The following ASPH variants were observed in gnomAD, a reference collection of about 807,000 sequenced individuals.
ASPH encodes aspartyl/asparaginyl beta-hydroxylase.
In ASPH, 100 loss-of-function variants were observed where a neutral mutation model predicts 118.4. The observed-to-expected ratio is 0.84, with a 90% CI of 0.72 to 1.00. The LOEUF (loss-of-function observed/expected upper bound fraction) is 1.00, where lower values mean the gene tolerates loss of function less well. Ranked by LOEUF, ASPH falls within the 50% of genes least tolerant of loss-of-function variation. The pLI, the probability that ASPH is intolerant of heterozygous loss-of-function variation, is 0.00. For synonymous variants in ASPH, 315 were observed against 325.6 expected (o/e 0.97, Z 0.35); for missense variants, 920 against 919.5 (o/e 1.00, Z -0.01).
At chr8:61,512,445 C>A (rs943622004) in intron 24 of ASPH, among the ~76,000 whole-genome samples, 2 of 152,182 alleles carry the variant, frequency 1.3e-5, no homozygotes, top group African/African-American at 4.8e-5. Flanking sequence ...CCAAAGAACA[C>A]CAAGGGCTGC....
intron 3 of ASPH, among the ~76,000 whole-genome samples, chr8:61,672,585 A>AC (rs141009544): frequency 0.12 from 18,310 of 152,016 alleles, 1,389 homozygotes; most frequent in South Asian, 0.27. Context: ...CAGGACCCAC[A>AC]CCAGCATATG....
chr8:61,663,311 C>T, intron 3 of ASPH: 2 of 985,312 alleles, frequency 2.0e-6, no homozygotes, highest in Non-Finnish European at 2.4e-6. Context: ...AATCACCATC[C>T]TCAACTACAA....
At chr8:61,528,193 G>C (rs773714832) in intron 21 of ASPH, among the ~76,000 whole-genome samples, 1 of 152,092 alleles carries the variant, frequency 6.6e-6, no homozygotes, top group African/African-American at 2.4e-5. Context: ...TGAAGAACAG[G>C]GCAAAGATCG....
chr8:61,518,675 T>C (rs1271597574), intron 22 of ASPH, among the ~76,000 whole-genome samples: 1 of 152,200 alleles, frequency 6.6e-6, no homozygotes, highest in Non-Finnish European at 1.5e-5. Context: ...CTGTACGGTA[T>C]TTTATCGATA....
At chr8:61,713,787 A>C (rs912079202) in intron 1 of ASPH, among the ~76,000 whole-genome samples, 1 of 152,138 alleles carries the variant, frequency 6.6e-6, no homozygotes, top group African/African-American at 2.4e-5. Context: ...AATCACTCCC[A>C]ACTTCTTCCC....
At chr8:61,671,872 T>C (rs762851482) in intron 3 of ASPH, among the ~76,000 whole-genome samples, 16 of 152,244 alleles carry the variant, frequency 1.1e-4, no homozygotes, top group African/African-American at 2.2e-4. Flanking sequence ...CCACATGCAA[T>C]AGACATGATT....
intron 1 of ASPH, among the ~76,000 whole-genome samples, chr8:61,707,050 A>T (rs988637594): frequency 6.6e-6 from 1 of 152,242 alleles, no homozygotes; most frequent in African/African-American, 2.4e-5. Context: ...AATAATTCAT[A>T]ACATCTGTGT....
intron 18 of ASPH, among the ~76,000 whole-genome samples, chr8:61,556,700 G>C (rs1002694204): frequency 4.6e-5 from 7 of 152,190 alleles, no homozygotes; most frequent in African/African-American, 1.7e-4. Context: ...TTAATAGTGA[G>C]AAACCAGAAC....
rs769554143 is a variant in ASPH at position 61,562,898 on chromosome 8, T to TA, written c.1301-19dup. ...CATATGACCTGAGTAGGTGGGAATT[T>TA]AAAAAAAATAGAAATAAAAACAGAT... On this transcript the variant is annotated intron_variant, in intron 17 of 24. Coordinates refer to ENST00000379454, the MANE Select transcript of ASPH (RefSeq NM_004318.4). The TA allele has an allele frequency of 5.6e-5, 87 of 1,553,654 alleles. No homozygotes were observed. The highest frequency in any genetic ancestry group is 4.8e-4 in the South Asian group (39 of 81,000).
chr8:61,565,421 C>T (rs965941382), intron 17 of ASPH, among the ~76,000 whole-genome samples: 3 of 152,000 alleles, frequency 2.0e-5, no homozygotes, highest in Non-Finnish European at 2.9e-5. Flanking sequence ...TTATTCCAGA[C>T]CTATTAATCT....
chr8:61,542,707 G>A (rs1051605546), intron 21 of ASPH, among the ~76,000 whole-genome samples: 12 of 151,676 alleles, frequency 7.9e-5, no homozygotes, highest in Admixed American at 2.0e-4. Context: ...TTTTCTTCAT[G>A]TGGATTTGTA....
At chr8:61,624,651 A>T (rs1852091993) in intron 13 of ASPH, 1 of 985,304 alleles carries the variant, frequency 1.0e-6, no homozygotes, top group Admixed American at 6.1e-5. Flanking sequence ...AAGGCTCATT[A>T]ATTCAGATAT....
intron 19 of ASPH, among the ~76,000 whole-genome samples, chr8:61,554,557 TA>T (rs1291364922): frequency 6.6e-6 from 1 of 152,170 alleles, no homozygotes; most frequent in East Asian, 1.9e-4. Flanking sequence ...TAAATTAAAA[TA>T]AAATGAAAAA....
At chr8:61,658,667 T>C (rs1471862136) in intron 3 of ASPH, 1 of 152,146 alleles carries the variant, frequency 6.6e-6, no homozygotes, top group Admixed American at 6.5e-5. Context: ...AAATTTACCA[T>C]TTCATTAATT....
chr8:61,592,233 T>C (rs1841360705), intron 14 of ASPH, among the ~76,000 whole-genome samples: 1 of 152,256 alleles, frequency 6.6e-6, no homozygotes, highest in South Asian at 2.1e-4. Flanking sequence ...ATGTTAATTA[T>C]GACTTTCATC....
chr8:61,511,954 T>G (rs1391326281), intron 24 of ASPH, among the ~76,000 whole-genome samples: 1 of 152,130 alleles, frequency 6.6e-6, no homozygotes, highest in Non-Finnish European at 1.5e-5. Context: ...TGAGGTGACA[T>G]GAACAGAAGG....
chr8:61,694,830 T>G (rs1833543127), intron 1 of ASPH, among the ~76,000 whole-genome samples: 1 of 152,190 alleles, frequency 6.6e-6, no homozygotes, highest in South Asian at 2.1e-4. Context: ...TACAAAAACC[T>G]CAAATTCCGC....
intron 13 of ASPH, among the ~76,000 whole-genome samples, chr8:61,622,376 T>C (rs1851281592): frequency 1.3e-5 from 2 of 152,168 alleles, no homozygotes; most frequent in Non-Finnish European, 2.9e-5. Flanking sequence ...AGATATACTG[T>C]ACTCGTGTTC....
At chr8:61,568,097 C>T (rs951235735) in intron 16 of ASPH, among the ~76,000 whole-genome samples, 5 of 151,958 alleles carry the variant, frequency 3.3e-5, no homozygotes, top group Non-Finnish European at 1.5e-5. Flanking sequence ...TAGGGCCTGG[C>T]AAGATATTGA....
Sources: gnomAD v4.1 joint callset for allele counts (sites outside exome capture counted in the v4.1 genomes callset) on GRCh38, gnomAD v4.1.1 for gene constraint, MANE v1.5 for transcripts, NCBI Gene and HGNC (gene_info 2026-07-23, HGNC 2026-07-21) for gene names.